The following RHEB variants were observed in gnomAD, a reference collection of about 807,000 sequenced individuals.
The protein encoded by RHEB is GTP-binding protein Rheb.
RHEB carries 2 observed loss-of-function variants against 28.8 expected under a neutral mutation model. The observed-to-expected ratio is 0.07, with a 90% confidence interval of 0.03 to 0.22. RHEB has a LOEUF of 0.22. RHEB is among the 10% of genes least tolerant of loss of function. The pLI is 1.00. For missense variants in RHEB, 76 were observed against 219.9 expected (o/e 0.35, Z 4.14); for synonymous variants, 69 against 77.3 (o/e 0.89, Z 0.56).
At chr7:151,474,643 G>A (rs1802235183) in intron 4 of RHEB, among the ~76,000 whole-genome samples, 1 of 152,132 alleles carries the variant, frequency 6.6e-6, no homozygotes, top group African/African-American at 2.4e-5. Context: ...TCTCTCAACT[G>A]CAGGTTTCTT....
At chr7:151,504,569 GTTGA>G (rs1802833456) in intron 1 of RHEB, among the ~76,000 whole-genome samples, 1 of 152,190 alleles carries the variant, frequency 6.6e-6, no homozygotes, top group Non-Finnish European at 1.5e-5. Context: ...TTCCAACTGT[GTTGA>G]TTAAGGGTCA....
chr7:151,501,590 T>C (rs1309231583), intron 1 of RHEB, among the ~76,000 whole-genome samples: 1 of 152,238 alleles, frequency 6.6e-6, no homozygotes, highest in Non-Finnish European at 1.5e-5. Flanking sequence ...ATCTCATTCC[T>C]AAGTATTTAT....
At chr7:151,476,439 T>C (rs1457967871) in intron 4 of RHEB, among the ~76,000 whole-genome samples, 3 of 152,194 alleles carry the variant, frequency 2.0e-5, no homozygotes, top group Non-Finnish European at 4.4e-5. Flanking sequence ...TTGGACAGTG[T>C]CAGCCTTGAC....
rs1802074778 is a variant in RHEB, at chr7:151,466,992, T to C, written c.*127A>G. 1.5e-6 allele frequency: 1 copy of C among 670,454 alleles called. No homozygotes were observed. Among genetic ancestry groups the C allele is most frequent in the African/African-American group, 1.8e-5 (1 of 55,562 alleles). The allele number at this position is 670,454 out of a possible 1,614,324, so 41.5% of individuals were successfully genotyped here. The stretch of plus-strand genomic sequence containing the variant: ...TAACATAATCTGAAGGGAGGGGAGC[T>C]CTGACCCAAATGATATCTTTCAGGT... On this transcript the variant is annotated 3_prime_UTR_variant, in exon 8 of 8. Transcript: ENST00000262187.
At chr7:151,493,594 G>C (rs1802625072) in intron 1 of RHEB, among the ~76,000 whole-genome samples, 1 of 151,272 alleles carries the variant, frequency 6.6e-6, no homozygotes, top group South Asian at 2.1e-4. Flanking sequence ...TAGCCATTTA[G>C]ATACTACAAA....
At chr7:151,479,846 G>A (rs1164908632) in intron 3 of RHEB, among the ~76,000 whole-genome samples, 1 of 151,918 alleles carries the variant, frequency 6.6e-6, no homozygotes, top group Non-Finnish European at 1.5e-5. Context: ...ATATCAAGGG[G>A]AATCTCACAT....
In RHEB at chr7:151,503,466, A is replaced by G. The variant is rs1335099708; in HGVS notation, c.53-12452T>C. ...AATTTTTTGACCTTGATGACTAGAC[A>G]TGAGTCTGGCAAAACGTGCCTCACC... On this transcript the variant is annotated intron_variant, in intron 1 of 7. Transcript: ENST00000262187. 4.4e-6 allele frequency: 5 copies of G among 1,129,314 alleles called. No homozygotes were observed. In the African/African-American group the frequency reaches 4.6e-5, roughly 10 times the overall value. 70.0% of individuals were successfully genotyped at this position (1,129,314 alleles called of 1,614,324 possible). A position where few individuals can be genotyped will look rare whatever the true frequency, so the allele number is the denominator to read the frequency against.
intron 1 of RHEB, among the ~76,000 whole-genome samples, chr7:151,517,675 A>C (rs1430413549): frequency 6.7e-6 from 1 of 150,362 alleles, no homozygotes; most frequent in East Asian, 1.9e-4. Flanking sequence ...ACTGGACATA[A>C]GGAACTTCTG....
rs574942723 is a variant in RHEB at position 151,468,507 on chromosome 7, C to T, written c.463-1296G>A. ...GGCGCAGACACTTGGTGCTGCCTAGCCACCCGCCTGCATCCCTGGATCTGG... is the reference window on the plus strand; with the variant it reads ...GGCGCAGACACTTGGTGCTGCCTAGTCACCCGCCTGCATCCCTGGATCTGG... On this transcript the variant is annotated intron_variant, in intron 7 of 7. Transcript: ENST00000262187. The surrounding 1 kb of genome is among the most constrained non-coding windows in gnomAD (Gnocchi z 4.3). Among the ~76,000 whole-genome samples, 110 of 152,376 alleles carry T rather than the reference C, an allele frequency of 7.2e-4. No homozygotes were observed. The highest frequency in any genetic ancestry group is 3.3e-3 in the East Asian group (17 of 5,186).
chr7:151,494,372 G>A (rs1563097171), intron 1 of RHEB, among the ~76,000 whole-genome samples: 1 of 152,172 alleles, frequency 6.6e-6, no homozygotes, highest in Non-Finnish European at 1.5e-5. Flanking sequence ...AGTTTCCCGT[G>A]AAATTCAGGA....
chr7:151,494,080 T>C (rs1802632714), intron 1 of RHEB, among the ~76,000 whole-genome samples: 1 of 151,756 alleles, frequency 6.6e-6, no homozygotes, highest in Admixed American at 6.6e-5. Context: ...TGCTTACAAA[T>C]GGAAAGAAAG....
At chr7:151,488,934 T>G (rs890350070) in intron 2 of RHEB, among the ~76,000 whole-genome samples, 8 of 152,206 alleles carry the variant, frequency 5.3e-5, no homozygotes, top group African/African-American at 1.9e-4. Context: ...TCCATGACTT[T>G]CCTTCCAACT....
At chr7:151,502,184 C>T (rs570508867) in intron 1 of RHEB, 1 of 426,242 alleles carries the variant, frequency 2.3e-6, no homozygotes, top group South Asian at 2.9e-5. Flanking sequence ...GGCAGTGAGG[C>T]AAGATCACGC....
intron 7 of RHEB, among the ~76,000 whole-genome samples, chr7:151,467,996 C>G (rs558526996): frequency 6.6e-6 from 1 of 152,144 alleles, no homozygotes; most frequent in African/African-American, 2.4e-5. Context: ...ACCAGGACAA[C>G]AGGCCTGAGC....
intron 2 of RHEB, among the ~76,000 whole-genome samples, chr7:151,490,434 A>G (rs1307747446): frequency 6.6e-6 from 1 of 152,182 alleles, no homozygotes; most frequent in Non-Finnish European, 1.5e-5. Context: ...AGGCTTTTTG[A>G]GCCAACTTCT....
At chr7:151,497,027 A>C (rs1321939337) in intron 1 of RHEB, among the ~76,000 whole-genome samples, 1 of 147,926 alleles carries the variant, frequency 6.8e-6, no homozygotes, top group Non-Finnish European at 1.5e-5. Context: ...TGGTCTTGTG[A>C]TCTGCCTGCC....
chr7:151,499,275 T>C (rs780490202), intron 1 of RHEB, among the ~76,000 whole-genome samples: 27 of 152,106 alleles, frequency 1.8e-4, no homozygotes, highest in Admixed American at 1.3e-4. Context: ...CAAGAATCAC[T>C]TGAACCTGGG....
chr7:151,518,890 TC>T (rs1288143356), intron 1 of RHEB: 1 of 152,200 alleles, frequency 6.6e-6, no homozygotes, highest in Non-Finnish European at 1.5e-5. Context: ...CGCCTAGGTT[TC>T]CTATGCAGAA....
At chr7:151,519,268 G>C (rs1449267442) in intron 1 of RHEB, 192 bp downstream of exon 1, 1 of 274,744 alleles carries the variant, frequency 3.6e-6, no homozygotes, top group South Asian at 1.5e-4. Context: ...AGCTACCGCG[G>C]CTCCTCCACC....
Sources: gnomAD v4.1 joint callset for allele counts (sites outside exome capture counted in the v4.1 genomes callset) on GRCh38, gnomAD v4.1.1 for gene constraint, Gnocchi (gnomAD v3.1) non-coding constraint, MANE v1.5 for transcripts, NCBI Gene and HGNC (gene_info 2026-07-23, HGNC 2026-07-21) for gene names.